CTCFL: variants seen among roughly 807,000 people sequenced by gnomAD.
CTCFL encodes transcriptional repressor CTCFL.
CTCFL carries 36 observed loss-of-function variants against 67.4 expected under a neutral mutation model. That is an observed-to-expected ratio of 0.53 (90% confidence interval 0.41 to 0.71). The LOEUF is 0.71. CTCFL is among the 30% of genes least tolerant of loss of function. The pLI, the probability that CTCFL is intolerant of heterozygous loss-of-function variation, is 0.00. For missense variants in CTCFL, 786 were observed against 835.2 expected (o/e 0.94, Z 0.73); for synonymous variants, 324 against 302.3 (o/e 1.07, Z -0.75).
In CTCFL at chr20:57,511,169, G is replaced by C. The variant is rs539889248; in HGVS notation, c.1491+1423C>G. 4.6e-5 allele frequency among the ~76,000 whole-genome samples: 7 copies of C among 152,268 alleles called. No homozygotes were observed. The South Asian group carries it at 1.5e-3, about 32-fold the overall frequency. ...TGATCCTCCAACCTTAGCCTCCTGA[G>C]TAGCTGGGACAGATATGCACCACCA... is the stretch of plus-strand genomic sequence containing the variant. On this transcript the variant is annotated intron_variant, in intron 8 of 10. Coordinates refer to ENST00000243914, the MANE Select transcript of CTCFL (RefSeq NM_001386993.1).
At chr20:57,498,814 G>T in intron 10 of CTCFL, 113 bp from the exon 11 acceptor site, 1 of 904,608 alleles carries the variant, frequency 1.1e-6, no homozygotes, top group Non-Finnish European at 1.7e-6. Context: ...ACGGCAGCAA[G>T]CATGTTAGAA....
At chr20:57,510,326 G>A (rs191343402) in intron 8 of CTCFL, among the ~76,000 whole-genome samples, 581 of 152,214 alleles carry the variant, frequency 3.8e-3, no homozygotes, top group Admixed American at 7.1e-3. Flanking sequence ...GAATTCTTAA[G>A]TGTTTTTTAA....
intron 9 of CTCFL, among the ~76,000 whole-genome samples, chr20:57,503,927 A>AG (rs1285956699): frequency 2.7e-5 from 4 of 150,348 alleles, no homozygotes; most frequent in Admixed American, 1.3e-4. Flanking sequence ...CCTGAGTGAC[A>AG]GAAAAAAAAA....
rs560339735 is a variant in CTCFL at position 57,498,227 on chromosome 20, A to G, written c.*323T>C. On this transcript the variant is annotated 3_prime_UTR_variant, in exon 11 of 11. Coordinates refer to ENST00000243914, the MANE Select transcript of CTCFL (RefSeq NM_001386993.1). Reference sequence around the variant, plus strand: ...TTGCCAATATCAAGTGAATGAATCCATAGGTTTGAGGTGTTACCCTCTCAT... The same window carrying G: ...TTGCCAATATCAAGTGAATGAATCCGTAGGTTTGAGGTGTTACCCTCTCAT... The G allele has an allele frequency of 2.0e-6, 2 of 1,017,108 alleles. No homozygotes were observed. Among genetic ancestry groups the G allele is most frequent in the South Asian group, 4.2e-5 (1 of 23,586 alleles). 63.0% of individuals were successfully genotyped at this position (1,017,108 alleles called of 1,614,324 possible). A position where few individuals can be genotyped will look rare whatever the true frequency, so the allele number is the denominator to read the frequency against.
intron 9 of CTCFL, chr20:57,507,075 T>G (rs2068245537): frequency 1.0e-6 from 1 of 990,316 alleles, no homozygotes; most frequent in Admixed American, 5.6e-5. Context: ...GCTAGCCATG[T>G]GCAGTGGTTT....
chr20:57,496,232 CCT>C (rs778154713), downstream of CTCFL: 31 of 632,378 alleles, frequency 4.9e-5, no homozygotes, highest in Admixed American at 2.1e-4. Flanking sequence ...GGCGCCTCCC[CCT>C]CTCTCGCTCC....
chr20:57,524,653 G>C (rs2069717671), intron 1 of CTCFL: 1 of 1,005,686 alleles, frequency 9.9e-7, no homozygotes, highest in Non-Finnish European at 1.2e-6. Flanking sequence ...GCAAGTTTCA[G>C]GTCCAAGCAG....
At chr20:57,501,558 C>G (rs1417684928) in intron 10 of CTCFL, among the ~76,000 whole-genome samples, 1 of 152,212 alleles carries the variant, frequency 6.6e-6, no homozygotes, top group Non-Finnish European at 1.5e-5. Context: ...AAATGGAATG[C>G]AGGCTGCATT....
downstream of CTCFL, chr20:57,496,010 AT>A (rs1428980421): frequency 5.8e-5 from 22 of 379,234 alleles, no homozygotes; most frequent in Non-Finnish European, 9.3e-5. Context: ...ATTAACATAC[AT>A]TTGGTTGTAG....
At chr20:57,524,839 G>A in intron 1 of CTCFL, 189 bp downstream of exon 1, 3 of 838,858 alleles carry the variant, frequency 3.6e-6, no homozygotes, top group South Asian at 5.4e-5. Flanking sequence ...CACTCCCTCG[G>A]AGGCCTGGCA....
downstream of CTCFL, chr20:57,496,375 A>G (rs146296304): frequency 5.6e-4 from 330 of 590,806 alleles, 4 homozygotes; most frequent in East Asian, 9.2e-3. Flanking sequence ...CTATGAGTCA[A>G]TTAAAACTCT....
intron 5 of CTCFL, among the ~76,000 whole-genome samples, chr20:57,517,710 G>C (rs2069029186): frequency 6.6e-6 from 1 of 152,064 alleles, no homozygotes; most frequent in Admixed American, 6.6e-5. Context: ...TGCAAAAATG[G>C]GGGGCTATGG....
At position 57,497,792 on chromosome 20, in the gene CTCFL, T is replaced by C; in HGVS notation, c.*758A>G. On this transcript the variant is annotated 3_prime_UTR_variant, in exon 11 of 11. Coordinates refer to ENST00000243914, the MANE Select transcript of CTCFL (RefSeq NM_001386993.1). ...TATGGAGTGAAATACTAATAAGCAA[T>C]AATGGAATGTAACCAGGGCAATTTC... 9.1e-6 allele frequency: 9 copies of C among 985,146 alleles called. No individual in the cohort carries two copies. Among genetic ancestry groups the C allele is most frequent in the Non-Finnish European group, 1.1e-5 (9 of 829,698 alleles). 61.0% of individuals were successfully genotyped at this position (985,146 alleles called of 1,614,324 possible).
chr20:57,518,912 T>A, intron 4 of CTCFL, 21 bp from the exon 5 acceptor site: 1 of 1,596,762 alleles, frequency 6.3e-7, no homozygotes. Flanking sequence ...ACATAGTTCA[T>A]ACTTTCAAAA....
intron 8 of CTCFL, among the ~76,000 whole-genome samples, chr20:57,511,766 A>C (rs901938032): frequency 1.3e-5 from 2 of 151,854 alleles, no homozygotes; most frequent in South Asian, 2.1e-4. Context: ...TAATTTTTGT[A>C]TTTTTTAATA....
intron 6 of CTCFL, 29 bp downstream of exon 6, chr20:57,515,685 T>C (rs1412835246): frequency 1.2e-6 from 2 of 1,614,084 alleles, no homozygotes; most frequent in Admixed American, 1.7e-5. Context: ...ACACTGTAGG[T>C]ATCAGGCCTT....
At chr20:57,518,511 G>A in intron 5 of CTCFL, 1 of 1,408,888 alleles carries the variant, frequency 7.1e-7, no homozygotes. Flanking sequence ...CTTGACCACA[G>A]ATGGTTTATT....
At chr20:57,521,673 G>A (rs2069373409) in intron 3 of CTCFL, among the ~76,000 whole-genome samples, 1 of 152,192 alleles carries the variant, frequency 6.6e-6, no homozygotes, top group Admixed American at 6.5e-5. Flanking sequence ...CAATTGCAGT[G>A]TGCATCAGTG....
At chr20:57,496,716 T>C (rs1308163785), downstream of CTCFL, among the ~76,000 whole-genome samples, 2 of 152,260 alleles carry the variant, frequency 1.3e-5, no homozygotes, top group East Asian at 3.8e-4. Flanking sequence ...CTTTTGTGAC[T>C]AGCTGATTTC....
Sources: gnomAD v4.1 joint callset for allele counts (sites outside exome capture counted in the v4.1 genomes callset) on GRCh38, gnomAD v4.1.1 for gene constraint, MANE v1.5 for transcripts, NCBI Gene and HGNC (gene_info 2026-07-23, HGNC 2026-07-21) for gene names.